TTN: variants seen among roughly 807,000 people sequenced by gnomAD.
TTN encodes the protein titin.
A neutral mutation model predicts 3,223.0 loss-of-function variants in TTN; 1,525 were observed. That is an observed-to-expected ratio of 0.47 (90% CI 0.45 to 0.49). The LOEUF (loss-of-function observed/expected upper bound fraction) is 0.49, where lower values mean the gene tolerates loss of function less well. Ranked by LOEUF, TTN falls within the 20% of genes least tolerant of loss-of-function variation. The pLI is 0.00. For synonymous variants in TTN, 14,094 were observed against 15,161.0 expected, an observed-to-expected ratio of 0.93 and a Z score of 5.17; for missense variants, 40,786 against 43,424.0, an observed-to-expected ratio of 0.94 and a Z score of 5.40.
At position 178,711,259 on chromosome 2, in the gene TTN, C is replaced by A. The variant is rs374592087; in HGVS notation, c.27977G>T (p.Gly9326Val). 6.2e-7 allele frequency: 1 copy of A among 1,613,816 alleles called. No individual in the cohort carries two copies. The highest frequency in any genetic ancestry group is 8.5e-7 in the Non-Finnish European group (1 of 1,179,776). ...CCAAGACACGGAGATAGGTTCTGAT[C>A]CACTTATGGCACAATCAAAAACAAC... ...LPVVFDCAIS[G>V]SEPISVSWYK... Residue 9326 changes from glycine to valine, a missense_variant, in exon 97 of 363, where the codon GGA (glycine) becomes GTA (valine). Transcript: ENST00000589042.
rs1405285641 is a variant in TTN at position 178,599,035 on chromosome 2, G to T, written c.56675C>A (p.Thr18892Lys). 2 of 1,581,376 alleles carry T rather than the reference G, an allele frequency of 1.3e-6. No individual in the cohort carries two copies. Among genetic ancestry groups the T allele is most frequent in the Admixed American group, 1.8e-5 (1 of 54,832 alleles). The change falls in exon 291 of 363, where the codon ACA (threonine) becomes AAA (lysine). Residue 18892 changes from threonine to lysine, a missense_variant. Physicochemically the swap from Thr to Lys is moderately conservative, Grantham distance 78. Coordinates refer to ENST00000589042, the MANE Select transcript of TTN (RefSeq NM_001267550.2). ...GGAGTTACGAGTCACGCTGCTAACT[G>T]TTGGTTTATCTGGTGCTCCAGGGAC... ...FSVPGAPDKP[T>K]VSSVTRNSMT...
intron 129 of TTN, 76 bp from the exon 130 acceptor site, chr2:178,685,065 C>A (rs2070485940): frequency 7.6e-7 from 1 of 1,319,462 alleles, no homozygotes; most frequent in Admixed American, 2.1e-5. Context: ...TTAGCATTCA[C>A]TTTTTGAAAA....
rs774609232 is a variant in TTN, at chr2:178,560,486, G to A, written c.85646C>T (p.Thr28549Ile). 16 of 1,613,148 alleles carry A rather than the reference G, an allele frequency of 9.9e-6. No individual in the cohort carries two copies. The highest frequency in any genetic ancestry group is 1.3e-5 in the Non-Finnish European group (15 of 1,179,542). ...CAAAGACGTGGGTGGACTTGGAACT[G>A]TAAATGGATCTAGTGCCTTTATAGC... is the stretch of plus-strand genomic sequence containing the variant. ...SVAIKALDPFTVPSPPTSLEI... is the reference protein window; with the variant it reads ...SVAIKALDPFIVPSPPTSLEI... Residue 28549 changes from threonine (T) to isoleucine (I), a missense_variant, in exon 326 of 363, where the codon ACA becomes ATA. Physicochemically the swap from Thr to Ile is moderately conservative, Grantham distance 89 (BLOSUM62 -1). Transcript: ENST00000589042.
At chr2:178,665,686 G>T (rs2065810334) in intron 164 of TTN, 22 bp downstream of exon 164, 2 of 1,316,754 alleles carry the variant, frequency 1.5e-6, no homozygotes, top group South Asian at 2.4e-5. Flanking sequence ...AATGAAGGAA[G>T]GAATGGCAGG....
In TTN at chr2:178,609,460, C is replaced by A. The variant is rs1309961194; in HGVS notation, c.51850G>T (p.Asp17284Tyr). Reference sequence around the variant, plus strand: ...TCCTCTGGTACAATAACATTTTCATCCTTTATCCATGTAATAGTTGGGTAA... The same window carrying A: ...TCCTCTGGTACAATAACATTTTCATACTTTATCCATGTAATAGTTGGGTAA... ...SPYPTITWIK[D>Y]ENVIVPEEIK... The change falls in exon 273 of 363, where the codon GAT becomes TAT. Residue 17284 changes from aspartate to tyrosine, a missense_variant. Asp to Tyr is a radical substitution (Grantham distance 160). Coordinates refer to ENST00000589042, the MANE Select transcript of TTN (RefSeq NM_001267550.2). The A allele has an allele frequency of 6.8e-6, 11 of 1,612,418 alleles. No individual in the cohort carries two copies. Among genetic ancestry groups the A allele is most frequent in the Non-Finnish European group, 9.3e-6 (11 of 1,179,130 alleles).
At chr2:178,799,973 T>G (rs2093979445) in intron 4 of TTN, 63 bp from the exon 5 acceptor site, 3 of 1,543,856 alleles carry the variant, frequency 1.9e-6, no homozygotes, top group East Asian at 4.5e-5. Context: ...AAAGAGATTC[T>G]GTTAATTCTG....
rs2092324432 is a variant in TTN, at chr2:178,777,183, C to G, written c.4780G>C (p.Asp1594His). The change falls in exon 27 of 363, where the codon GAC becomes CAC. Residue 1594 changes from aspartate (D) to histidine (H), a missense_variant. By Grantham distance (81) the Asp-to-His change is moderately conservative. Transcript: ENST00000589042. ...GGATATTTATGAGGCACAATGATGT[C>G]ACTGTTTTTCAACCATACAATGTCA... ...NPDIVWLKNSDIIVPHKYPKI... is the reference protein window; with the variant it reads ...NPDIVWLKNSHIIVPHKYPKI... 6.2e-7 allele frequency: 1 copy of G among 1,613,996 alleles called. No individual in the cohort carries two copies. Among genetic ancestry groups the G allele is most frequent in the Non-Finnish European group, 8.5e-7 (1 of 1,179,982 alleles).
At chr2:178,779,846 T>C (rs370188611) in intron 22 of TTN, 154 bp downstream of exon 22, 1 of 699,036 alleles carries the variant, frequency 1.4e-6, no homozygotes. Context: ...AGGTGCAACA[T>C]ACCATGAAGA....
intron 9 of TTN, among the ~76,000 whole-genome samples, chr2:178,792,827 C>T (rs1172690478): frequency 6.6e-6 from 1 of 152,198 alleles, no homozygotes; most frequent in African/African-American, 2.4e-5. Flanking sequence ...TCAAACCACC[C>T]AACTGCCAAC....
Position 178,784,237 on chromosome 2 carries a change from T to C in TTN, c.2608A>G (p.Arg870Gly). The C allele has an allele frequency of 6.2e-7, 1 of 1,614,168 alleles. No homozygotes were observed. Among genetic ancestry groups the C allele is most frequent in the Non-Finnish European group, 8.5e-7 (1 of 1,180,004 alleles). ...AAGGGTGTGGGCTCTGCCCTTACTC[T>C]AGTCTCACTGGGCTTCACAGTAGGA... ...KAPTVKPSET[R>G]VRAEPTPLPQ... The change falls in exon 16 of 363, where the codon AGA becomes GGA. Residue 870 changes from arginine to glycine, a missense_variant. By Grantham distance (125) the Arg-to-Gly change is moderately radical. Transcript: ENST00000589042.
At chr2:178,691,989 G>A (rs780996801) in intron 121 of TTN, 27 bp downstream of exon 121, 2 of 1,592,300 alleles carry the variant, frequency 1.3e-6, no homozygotes, top group Non-Finnish European at 1.7e-6. Flanking sequence ...GGAGCAAAGA[G>A]TCTCCCCATC....
intron 127 of TTN, 40 bp downstream of exon 127, chr2:178,688,071 C>G: frequency 1.3e-6 from 2 of 1,573,078 alleles, no homozygotes; most frequent in Non-Finnish European, 1.7e-6. Flanking sequence ...AACACCTCAT[C>G]AAAACCCCAG....
In TTN at chr2:178,775,600, T is replaced by A; in HGVS notation, c.6264A>T (p.Thr2088=). The A allele has an allele frequency of 6.2e-7, 1 of 1,614,134 alleles. No individual in the cohort carries two copies. Among genetic ancestry groups the A allele is most frequent in the Non-Finnish European group, 8.5e-7 (1 of 1,180,002 alleles). Residue 2088 remains threonine, a synonymous_variant, in exon 28 of 363, where the codon ACA becomes ACT. Coordinates refer to ENST00000589042, the MANE Select transcript of TTN (RefSeq NM_001267550.2). ...AGTGTGCATCAGATCCTTGGCCCACTGTTTGGCTCTGGATTCTTTCGAAGA... is the reference window on the plus strand; with the variant it reads ...AGTGTGCATCAGATCCTTGGCCCACAGTTTGGCTCTGGATTCTTTCGAAGA... The part of the protein sequence containing the change: ...PKIFERIQSQ[T]VGQGSDAHFR...
At position 178,587,388 on chromosome 2, in the gene TTN, C is replaced by G. The variant is rs2049255613; in HGVS notation, c.63823G>C (p.Val21275Leu). The G allele has an allele frequency of 6.2e-7, 1 of 1,607,482 alleles. No homozygotes were observed. The highest frequency in any genetic ancestry group is 1.1e-5 in the South Asian group (1 of 90,650). ...DTPGPVSDLKVSDVTKTSCHV... is the reference protein window; with the variant it reads ...DTPGPVSDLKLSDVTKTSCHV... The stretch of plus-strand genomic sequence containing the variant: ...CATGATGTTTTAGTGACATCTGAAA[C>G]TTTTAAATCAGACACAGGCCCAGGA... Residue 21275 changes from valine to leucine, a missense_variant, in exon 307 of 363, where the codon GTT becomes CTT. Transcript: ENST00000589042.
In TTN at chr2:178,578,952, G is replaced by T; in HGVS notation, c.68078C>A (p.Thr22693Lys). 6.2e-7 allele frequency: 1 copy of T among 1,613,188 alleles called. No individual in the cohort carries two copies. Among genetic ancestry groups the T allele is most frequent in the Non-Finnish European group, 8.5e-7 (1 of 1,179,476 alleles). The change falls in exon 320 of 363, where the codon ACG becomes AAG. Residue 22693 changes from threonine (T) to lysine (K), a missense_variant. Thr to Lys is a moderately conservative substitution (Grantham distance 78). Coordinates refer to ENST00000589042, the MANE Select transcript of TTN (RefSeq NM_001267550.2). Reference protein sequence around the residue: ...KRDSVNNKWVTCASAVQKTTF... With the variant: ...KRDSVNNKWVKCASAVQKTTF... ...GGTTTTCTGGACAGCTGAGGCGCACGTCACCCACTTGTTGTTCACAGAATC... is the reference window on the plus strand; with the variant it reads ...GGTTTTCTGGACAGCTGAGGCGCACTTCACCCACTTGTTGTTCACAGAATC...
At chr2:178,608,548 A>C in intron 274 of TTN, 58 bp downstream of exon 274, 1 of 1,569,846 alleles carries the variant, frequency 6.4e-7, no homozygotes, top group Non-Finnish European at 8.6e-7. Flanking sequence ...AAGCTGTAGT[A>C]ATTATATACC....
At chr2:178,692,157 C>T in intron 120 of TTN, 58 bp from the exon 121 acceptor site, 2 of 1,459,902 alleles carry the variant, frequency 1.4e-6, no homozygotes, top group Non-Finnish European at 1.9e-6. Context: ...TCTGAGACAT[C>T]TAAGATTACA....
At position 178,704,249 on chromosome 2, in the gene TTN, T is replaced by C; in HGVS notation, c.30121A>G (p.Lys10041Glu). ...TCTGCAATGGTCAATTTATGGACTT[T>C]GTGTTCCACTTCTGTTTTATGTCTA... ...QGRHKTEVEH[K>E]VHKLTIADVR... is the part of the protein sequence containing the mutation. Residue 10041 changes from lysine (K) to glutamate (E), a missense_variant, in exon 106 of 363, where the codon AAA (lysine) becomes GAA (glutamate). Lys to Glu is a moderately conservative substitution (Grantham distance 56, BLOSUM62 1). Transcript: ENST00000589042. 6.2e-7 allele frequency: 1 copy of C among 1,614,056 alleles called. No homozygotes were observed. The highest frequency in any genetic ancestry group is 8.5e-7 in the Non-Finnish European group (1 of 1,179,888).
chr2:178,684,333 T>C lies in TTN; in HGVS notation c.32719A>G (p.Arg10907Gly). Residue 10907 changes from arginine (R) to glycine (G), a missense_variant, in exon 132 of 363, where the codon AGA becomes GGA. Arg to Gly is a moderately radical substitution (Grantham distance 125, BLOSUM62 -2). Transcript: ENST00000589042. ...CATAATGGAAGGGCGGATGTACCTC[T>C]TGCTTTTGGAGGCGCCTCTTTTTTA... ...VTKKEAPPKA[R>G]VPEEPKRAVP... 5.0e-6 allele frequency: 8 copies of C among 1,613,324 alleles called. No individual in the cohort carries two copies. Among genetic ancestry groups the C allele is most frequent in the Non-Finnish European group, 6.8e-6 (8 of 1,179,570 alleles).
Sources: gnomAD v4.1 joint callset for allele counts (sites outside exome capture counted in the v4.1 genomes callset) on GRCh38, gnomAD v4.1.1 for gene constraint, MANE v1.5 for transcripts, NCBI Gene and HGNC (gene_info 2026-07-23, HGNC 2026-07-21) for gene names.